The following ABHD18 variants were observed in gnomAD, a reference collection of about 807,000 sequenced individuals.
ABHD18 encodes abhydrolase domain containing 18, also known as cardiolipin-specific deacylase, mitochondrial.
Under a neutral mutation model 65.9 loss-of-function variants are expected in ABHD18, and 55 were observed. The observed-to-expected ratio is 0.84, with a 90% CI of 0.67 to 1.05. The LOEUF (loss-of-function observed/expected upper bound fraction) is 1.05. Among genes scored for constraint, ABHD18 ranks in the 50% least tolerant of loss-of-function variants. The probability of loss-of-function intolerance (pLI) is 0.00; values close to 1 mark genes in which losing one functional copy is unlikely to be tolerated. For missense variants in ABHD18, 533 were observed against 558.5 expected (o/e 0.95, Z 0.46); for synonymous variants, 181 against 180.2 (o/e 1.00, Z -0.04).
chr4:128,004,769 G>A (rs959319907), intron 4 of ABHD18, among the ~76,000 whole-genome samples: 3 of 151,296 alleles, frequency 2.0e-5, no homozygotes, highest in African/African-American at 7.3e-5. Flanking sequence ...AAATTAGCTG[G>A]TTGTGGTGGT....
intron 4 of ABHD18, among the ~76,000 whole-genome samples, chr4:128,002,372 T>A (rs1207998608): frequency 6.6e-6 from 1 of 151,730 alleles, no homozygotes. Context: ...CTCTGCCTCC[T>A]GGAGTCAAGT....
At chr4:127,971,330 G>A (rs768692387) in intron 1 of ABHD18, among the ~76,000 whole-genome samples, 1 of 150,382 alleles carries the variant, frequency 6.6e-6, no homozygotes, top group Non-Finnish European at 1.5e-5. Context: ...TTTAATAAAT[G>A]TATGCAAAAG....
chr4:128,017,175 C>T (rs1755657284), intron 7 of ABHD18, among the ~76,000 whole-genome samples, 188 bp from the exon 8 acceptor site: 1 of 152,220 alleles, frequency 6.6e-6, no homozygotes, highest in South Asian at 2.1e-4. Context: ...GCCTCAGCCT[C>T]CCAAAGTGCT....
At chr4:128,005,300 T>C (rs1438400674) in intron 4 of ABHD18, among the ~76,000 whole-genome samples, 1 of 152,188 alleles carries the variant, frequency 6.6e-6, no homozygotes, top group African/African-American at 2.4e-5. Flanking sequence ...CCTGCCCTAT[T>C]TGTGCTATCA....
chr4:128,035,130 G>A (rs1370115995), intron 12 of ABHD18, among the ~76,000 whole-genome samples: 2 of 152,112 alleles, frequency 1.3e-5, no homozygotes, highest in African/African-American at 2.4e-5. Context: ...TCAACGAAGC[G>A]ATAAGACAAT....
chr4:127,989,895 A>G, intron 4 of ABHD18, 74 bp downstream of exon 4: 1 of 920,886 alleles, frequency 1.1e-6, no homozygotes, highest in East Asian at 2.7e-5. Flanking sequence ...ACACTATGTT[A>G]TTTGAAATTA....
At chr4:127,998,633 A>G (rs1272179303) in intron 4 of ABHD18, among the ~76,000 whole-genome samples, 1 of 151,786 alleles carries the variant, frequency 6.6e-6, no homozygotes, top group Non-Finnish European at 1.5e-5. Context: ...CAGCCTCCCA[A>G]GTAGCTGGGA....
At chr4:127,982,680 C>G (rs917993592) in intron 1 of ABHD18, among the ~76,000 whole-genome samples, 2 of 152,106 alleles carry the variant, frequency 1.3e-5, no homozygotes, top group Non-Finnish European at 2.9e-5. Context: ...ATAGAGGGTA[C>G]TTATTTCAGC....
At chr4:127,993,224 C>T (rs951030823) in intron 4 of ABHD18, among the ~76,000 whole-genome samples, 1 of 152,136 alleles carries the variant, frequency 6.6e-6, no homozygotes, top group Non-Finnish European at 1.5e-5. Flanking sequence ...GATTCTCCAC[C>T]TTATCTGGAC....
chr4:127,971,029 C>T (rs1178232983), intron 1 of ABHD18, among the ~76,000 whole-genome samples: 2 of 150,956 alleles, frequency 1.3e-5, no homozygotes, highest in Non-Finnish European at 2.9e-5. Flanking sequence ...GAGCTGAGAT[C>T]GTGCCACTGC....
At position 128,017,458 on chromosome 4, in the gene ABHD18, G is replaced by T. The variant is rs1233622070; in HGVS notation, c.566G>T (p.Gly189Val). 6.2e-7 allele frequency: 1 copy of T among 1,613,620 alleles called. No homozygotes were observed. Among genetic ancestry groups the T allele is most frequent in the South Asian group, 1.1e-5 (1 of 91,004 alleles). Reference protein sequence around the residue: ...AALLHWLEREGYGPLGMTGIS... With the variant: ...AALLHWLEREVYGPLGMTGIS... ...CTCTTGCACTGGCTAGAGAGGGAAG[G>T]TTACGGCCCTTTAGGAATGACTGGA... The change falls in exon 8 of 13, where the codon GGT (glycine) becomes GTT (valine). Residue 189 changes from glycine (G) to valine (V), a missense_variant. Gly to Val is a moderately radical substitution (Grantham distance 109). Transcript: ENST00000645843.
At chr4:127,970,138 G>A (rs953995823) in intron 1 of ABHD18, among the ~76,000 whole-genome samples, 6 of 151,800 alleles carry the variant, frequency 4.0e-5, no homozygotes, top group South Asian at 2.1e-4. Context: ...CCTCCTCAGC[G>A]TCCCAAAGTG....
Position 127,966,702 on chromosome 4 carries a change from C to CAAAAAAAAAAAAAAAAAAAAAA in ABHD18, c.-18+1111_-18+1132dup, listed in dbSNP as rs70966065. Among the ~76,000 whole-genome samples, 3 of 21,540 alleles carry CAAAAAAAAAAAAAAAAAAAAAA rather than the reference C, an allele frequency of 1.4e-4. 1 individual carries two copies. The highest frequency in any genetic ancestry group is 5.3e-4 in the African/African-American group (3 of 5,640). 14.1% of individuals were successfully genotyped at this position (21,540 alleles called of 152,430 possible). On this transcript the variant is annotated intron_variant, in intron 1 of 12. Transcript: ENST00000645843. ...TGAAACCCCGTCTCTACTAAAAATA[C>CAAAAAAAAAAAAAAAAAAAAAA]AAAAAAAAAAAAAAAAAAAAAAAAA...
chr4:128,017,704 T>C (rs1443313361), intron 8 of ABHD18, among the ~76,000 whole-genome samples: 2 of 152,206 alleles, frequency 1.3e-5, no homozygotes, highest in Non-Finnish European at 2.9e-5. Context: ...TACTCCACAG[T>C]TGTATCTCAG....
rs778233139 is a variant in ABHD18, at chr4:128,028,531, C to G, written c.858C>G (p.Asp286Glu). The G allele has an allele frequency of 6.2e-7, 1 of 1,608,378 alleles. No individual in the cohort carries two copies. Among genetic ancestry groups the G allele is most frequent in the Admixed American group, 1.7e-5 (1 of 58,874 alleles). The change falls in exon 11 of 13, where the codon GAC becomes GAG. Residue 286 changes from aspartate (D) to glutamate (E), a missense_variant. By Grantham distance (45) the Asp-to-Glu change is conservative. Transcript: ENST00000645843. ...EFVKHFTSSA[D>E]KLTNLNLVSR... ...TGAAACACTTCACTAGCAGTGCAGA[C>G]AAGCTAACTAACCTTAATCTGGTTT...
At chr4:127,997,454 C>T (rs1355677083) in intron 4 of ABHD18, among the ~76,000 whole-genome samples, 4 of 152,166 alleles carry the variant, frequency 2.6e-5, no homozygotes, top group Non-Finnish European at 5.9e-5. Flanking sequence ...AAAGACTAGG[C>T]AGAATCAGTA....
chr4:128,030,816 AG>A, intron 12 of ABHD18, 144 bp downstream of exon 12: 1 of 1,386,448 alleles, frequency 7.2e-7, no homozygotes, highest in Non-Finnish European at 9.3e-7. Flanking sequence ...AATCTCACAG[AG>A]TTACTTTTCC....
In ABHD18 at chr4:128,017,099, G is replaced by A. The variant is rs186284756; in HGVS notation, c.471-264G>A. On this transcript the variant is annotated intron_variant, in intron 7 of 12. Transcript: ENST00000645843. Reference sequence around the variant, plus strand: ...TGCCCTGCTAATTTTTGTATTTTTAGTAAAGACAAGGTTTCACCATGTTGC... The same window carrying A: ...TGCCCTGCTAATTTTTGTATTTTTAATAAAGACAAGGTTTCACCATGTTGC... Among the ~76,000 whole-genome samples, 149 of 152,060 alleles carry A rather than the reference G, an allele frequency of 9.8e-4. 1 individual carries two copies. In the East Asian group the frequency reaches 0.019, roughly 20 times the overall value.
chr4:127,991,991 A>T (rs1751001427), intron 4 of ABHD18, among the ~76,000 whole-genome samples: 1 of 152,158 alleles, frequency 6.6e-6, no homozygotes, highest in Non-Finnish European at 1.5e-5. Flanking sequence ...TTTTCTGTTG[A>T]TAACCTCTGA....
Sources: allele counts gnomAD v4.1 joint callset (sites outside exome capture counted in the v4.1 genomes callset), GRCh38; gene constraint gnomAD v4.1.1; transcripts MANE v1.5; gene names NCBI Gene and HGNC (gene_info 2026-07-23, HGNC 2026-07-21).